ZNF33B: variants seen among roughly 807,000 people sequenced by gnomAD.
The protein encoded by ZNF33B is zinc finger protein 11b (KOX 2).
Under a neutral mutation model 45.8 loss-of-function variants are expected in ZNF33B, and 29 were observed. The ratio of observed to expected loss-of-function variants is 0.63; its 90% confidence interval spans 0.47 to 0.86. The LOEUF (loss-of-function observed/expected upper bound fraction) is 0.86, where lower values mean the gene tolerates loss of function less well. Among genes scored for constraint, ZNF33B ranks in the 40% least tolerant of loss-of-function variants. ZNF33B has a pLI of 0.00. For missense variants in ZNF33B, 831 were observed against 909.9 expected, an observed-to-expected ratio of 0.91 and a Z score of 1.12; for synonymous variants, 305 against 307.8, an observed-to-expected ratio of 0.99 and a Z score of 0.10.
intron 4 of ZNF33B, among the ~76,000 whole-genome samples, chr10:42,602,352 G>GA (rs1837666097): frequency 6.7e-6 from 1 of 150,220 alleles, no homozygotes; most frequent in Non-Finnish European, 1.5e-5. Flanking sequence ...TTAAGTTTTA[G>GA]AACATATGGA....
At chr10:42,629,610 T>A (rs1838962559) in intron 4 of ZNF33B, among the ~76,000 whole-genome samples, 1 of 151,826 alleles carries the variant, frequency 6.6e-6, no homozygotes. Flanking sequence ...AAATTTTAGA[T>A]CATGTTTTAT....
At chr10:42,618,378 AC>A (rs1333590891) in intron 4 of ZNF33B, among the ~76,000 whole-genome samples, 1 of 152,208 alleles carries the variant, frequency 6.6e-6, no homozygotes, top group Admixed American at 6.5e-5. Context: ...TTGGGCTATG[AC>A]CCATAAAACT....
Position 42,594,278 on chromosome 10 carries a change from A to G in ZNF33B, c.672T>C (p.Cys224=). The G allele has an allele frequency of 6.2e-7, 1 of 1,613,872 alleles. No homozygotes were observed. Among genetic ancestry groups the G allele is most frequent in the Non-Finnish European group, 8.5e-7 (1 of 1,179,908 alleles). ...CTGCCTTTTCAAGGAGGGTTTCCTGACATATACTGTATTCAAAATTGTGGT... is the reference window on the plus strand; with the variant it reads ...CTGCCTTTTCAAGGAGGGTTTCCTGGCATATACTGTATTCAAAATTGTGGT... ...TLDHNFEYSI[C]QETLLEKAVF... Residue 224 remains cysteine (C), a synonymous_variant, in exon 5 of 5, where the codon TGT becomes TGC. Coordinates refer to ENST00000359467, the MANE Select transcript of ZNF33B (RefSeq NM_006955.3).
rs1294175900 is a variant in ZNF33B at position 42,594,316 on chromosome 10, T to C, written c.634A>G (p.Ile212Val). Residue 212 changes from isoleucine (I) to valine (V), a missense_variant, in exon 5 of 5, where the codon ATT becomes GTT. Ile to Val is a conservative substitution (Grantham distance 29). Coordinates refer to ENST00000359467, the MANE Select transcript of ZNF33B (RefSeq NM_006955.3). Reference sequence around the variant, plus strand: ...TCAAAATTGTGGTCTAAAGTTTGAATCTTCTCATGCTGCAAAGTGTTCTCA... The same window carrying C: ...TCAAAATTGTGGTCTAAAGTTTGAACCTTCTCATGCTGCAAAGTGTTCTCA... Reference protein sequence around the residue: ...HRENTLQHEKIQTLDHNFEYS... With the variant: ...HRENTLQHEKVQTLDHNFEYS... 6.2e-7 allele frequency: 1 copy of C among 1,613,796 alleles called. No individual in the cohort carries two copies. Among genetic ancestry groups the C allele is most frequent in the African/African-American group, 1.3e-5 (1 of 74,918 alleles).
rs78164642 is a variant in ZNF33B at position 42,625,894 on chromosome 10, T to C, written c.250+6035A>G. 5.8e-3 allele frequency among the ~76,000 whole-genome samples: 890 copies of C among 152,376 alleles called. 9 individuals carry two copies. Among genetic ancestry groups the C allele is most frequent in the African/African-American group, 0.021 (855 of 41,594 alleles). On this transcript the variant is annotated intron_variant, in intron 4 of 4. Coordinates refer to ENST00000359467, the MANE Select transcript of ZNF33B (RefSeq NM_006955.3). ...CCTTCTCTTTCATTTTCTTGCCTCA[T>C]TGTGCTTGAAAGAAGTTACAGTACT...
At chr10:42,603,256 A>G (rs754465404) in intron 4 of ZNF33B, among the ~76,000 whole-genome samples, 1 of 152,210 alleles carries the variant, frequency 6.6e-6, no homozygotes, top group Non-Finnish European at 1.5e-5. Context: ...GCCAGCTGTA[A>G]GGACAGAGAG....
chr10:42,599,744 C>T (rs914090650), intron 4 of ZNF33B, among the ~76,000 whole-genome samples: 5 of 151,660 alleles, frequency 3.3e-5, no homozygotes, highest in African/African-American at 1.2e-4. Context: ...TAAAAAGCTA[C>T]AAAAAAGCAA....
chr10:42,633,435 A>G (rs953006645), intron 2 of ZNF33B, among the ~76,000 whole-genome samples: 11 of 152,220 alleles, frequency 7.2e-5, no homozygotes, highest in African/African-American at 2.7e-4. Flanking sequence ...TGAGAACAGC[A>G]AAGGACAAAA....
intron 4 of ZNF33B, among the ~76,000 whole-genome samples, chr10:42,627,542 G>A (rs1268600266): frequency 2.0e-5 from 3 of 151,968 alleles, no homozygotes; most frequent in African/African-American, 7.3e-5. Flanking sequence ...TCTGCTTCCA[G>A]TGTTATTTTC....
chr10:42,608,631 C>A (rs1837965250), intron 4 of ZNF33B, among the ~76,000 whole-genome samples: 1 of 151,746 alleles, frequency 6.6e-6, no homozygotes, highest in South Asian at 2.1e-4. Flanking sequence ...TTATGGAACA[C>A]AGATAAAGCA....
At chr10:42,597,595 A>G (rs187067916) in intron 4 of ZNF33B, among the ~76,000 whole-genome samples, 58 of 152,260 alleles carry the variant, frequency 3.8e-4, no homozygotes, top group African/African-American at 1.3e-3. Context: ...CAAATGCAAG[A>G]TAAGTAATTT....
Position 42,631,957 on chromosome 10 carries a change from C to T in ZNF33B, c.222G>A (p.Glu74=). The part of the protein sequence containing the change: ...LEQGEEPWRL[E]EEFPSQSFPE... ...GAAAGCTCTGGCTTGGGAATTCTTC[C>T]TCCAGTCTCCATGGTTCTTCTCCTT... Residue 74 remains glutamate, a synonymous_variant, in exon 4 of 5, where the codon GAG becomes GAA. Coordinates refer to ENST00000359467, the MANE Select transcript of ZNF33B (RefSeq NM_006955.3). 6.2e-7 allele frequency: 1 copy of T among 1,614,154 alleles called. No homozygotes were observed. The highest frequency in any genetic ancestry group is 8.5e-7 in the Non-Finnish European group (1 of 1,180,028).
chr10:42,581,558 C>T (rs758967053), intron 1 of ZNF33B: 4 of 151,562 alleles, frequency 2.6e-5, no homozygotes, highest in Non-Finnish European at 4.4e-5. Flanking sequence ...TTGATGGTGC[C>T]GAAGGAAAGC....
In ZNF33B at chr10:42,608,496, T is replaced by G. The variant is rs375988469; in HGVS notation, c.251-13797A>C. The stretch of plus-strand genomic sequence containing the variant: ...TTACAAATCAGTAAGACAAAGGAAT[T>G]TTGAGAATGCACAAACATGCACAAA... On this transcript the variant is annotated intron_variant, in intron 4 of 4. Transcript: ENST00000359467. 7.9e-5 allele frequency among the ~76,000 whole-genome samples: 12 copies of G among 152,118 alleles called. 1 individual carries two copies. Among genetic ancestry groups the G allele is most frequent in the African/African-American group, 2.9e-4 (12 of 41,498 alleles).
Position 42,593,398 on chromosome 10 carries a change from T to C in ZNF33B, c.1552A>G (p.Ile518Val), listed in dbSNP as rs370645386. ...HKSVLTRHQI[I>V]HTGLKPYECY... ...TCATAAGGTTTCAACCCTGTATGAA[T>C]TATCTGATGCCTGGTGAGTACTGAC... Residue 518 changes from isoleucine (I) to valine (V), a missense_variant, in exon 5 of 5, where the codon ATT (isoleucine) becomes GTT (valine). Ile to Val is a conservative substitution (Grantham distance 29). Transcript: ENST00000359467. 217 of 1,613,808 alleles carry C rather than the reference T, an allele frequency of 1.3e-4. No homozygotes were observed. Among genetic ancestry groups the C allele is most frequent in the Non-Finnish European group, 1.8e-4 (213 of 1,179,954 alleles).
intron 4 of ZNF33B, among the ~76,000 whole-genome samples, chr10:42,603,855 C>G (rs1169071553): frequency 6.6e-6 from 1 of 152,150 alleles, no homozygotes; most frequent in African/African-American, 2.4e-5. Flanking sequence ...TAAGGCAGGG[C>G]CCTCTGACAA....
At chr10:42,632,081 G>A in intron 3 of ZNF33B, 57 bp from the exon 4 acceptor site, 1 of 1,555,990 alleles carries the variant, frequency 6.4e-7, no homozygotes, top group South Asian at 1.1e-5. Flanking sequence ...TCAGGCCTTT[G>A]AAGCAGGAAG....
intron 4 of ZNF33B, among the ~76,000 whole-genome samples, chr10:42,623,958 C>T (rs1287500726): frequency 6.8e-6 from 1 of 146,618 alleles, no homozygotes; most frequent in African/African-American, 2.7e-5. Flanking sequence ...GCTGCCATAA[C>T]AAAATACCAG....
At chr10:42,634,984 C>T (rs1017612939) in intron 2 of ZNF33B, among the ~76,000 whole-genome samples, 54 of 152,198 alleles carry the variant, frequency 3.5e-4, no homozygotes, top group African/African-American at 1.3e-3. Context: ...TGGTGGCTCA[C>T]ACCTGTAATC....
Sources: gnomAD v4.1 joint callset for allele counts (sites outside exome capture counted in the v4.1 genomes callset) on GRCh38, gnomAD v4.1.1 for gene constraint, MANE v1.5 for transcripts, NCBI Gene and HGNC (gene_info 2026-07-23, HGNC 2026-07-21) for gene names.